The following MYLK2 variants were observed in gnomAD, a reference collection of about 807,000 sequenced individuals.
MYLK2 encodes myosin light chain kinase 2.
Under a neutral mutation model 58.2 loss-of-function variants are expected in MYLK2, and 27 were observed. The observed-to-expected ratio is 0.46, with a 90% confidence interval of 0.34 to 0.64. The LOEUF is 0.64. MYLK2 is among the 30% of genes least tolerant of loss of function. The pLI is 0.01. For missense variants in MYLK2, 676 were observed against 764.3 expected (o/e 0.88, Z 1.36); for synonymous variants, 310 against 296.7 (o/e 1.04, Z -0.46).
Position 31,826,613 on chromosome 20 carries a change from G to C in MYLK2, c.981G>C (p.Val327=), listed in dbSNP as rs989421183. 1.9e-6 allele frequency: 3 copies of C among 1,614,078 alleles called. No individual in the cohort carries two copies. The highest frequency in any genetic ancestry group is 3.3e-4 in the Middle Eastern group (2 of 6,060). Residue 327 remains valine, a synonymous_variant, in exon 7 of 13, where the codon GTG becomes GTC. Transcript: ENST00000375985. ...ACTTCCCTGGTCCCCAGGAAATGGT[G>C]TTGCTGGAGATTGAGGTCATGAACC... is the stretch of plus-strand genomic sequence containing the variant. ...KKQTPKDKEM[V]LLEIEVMNQL...
intron 6 of MYLK2, among the ~76,000 whole-genome samples, chr20:31,825,163 C>T (rs1344552397): frequency 6.6e-6 from 1 of 152,212 alleles, no homozygotes; most frequent in East Asian, 1.9e-4. Flanking sequence ...CCAGTGAAAG[C>T]GTGAGAAGCA....
chr20:31,824,521 G>A, intron 6 of MYLK2, 169 bp downstream of exon 6: 1 of 985,446 alleles, frequency 1.0e-6, no homozygotes, highest in Middle Eastern at 5.2e-4. Context: ...CCTGCAGCAG[G>A]GGCCTGAGGA....
At chr20:31,824,483 T>C in intron 6 of MYLK2, 131 bp downstream of exon 6, 1 of 1,525,016 alleles carries the variant, frequency 6.6e-7, no homozygotes, top group Non-Finnish European at 8.8e-7. Flanking sequence ...GTGAAAATAC[T>C]ACACAGATAG....
rs372981969 is a variant in MYLK2, at chr20:31,823,533, G to A, written c.829G>A (p.Gly277Arg). The change falls in exon 5 of 13, where the codon GGG becomes AGG. Residue 277 changes from glycine (G) to arginine (R), a missense_variant. Physicochemically the swap from Gly to Arg is moderately radical, Grantham distance 125. Around this residue, in one of 2 missense-constraint regions of MYLK2, gnomAD observed 370 missense variants for 467.8 expected, o/e 0.79. Transcript: ENST00000375985. The stretch of plus-strand genomic sequence containing the variant: ...TCACCGCATGGTGGAGCTGAGGACC[G>A]GGAATGTCAGCAGTGAATTCAGTAT... ...FPHRMVELRT[G>R]NVSSEFSMNS... The A allele has an allele frequency of 6.2e-6, 10 of 1,613,856 alleles. No homozygotes were observed. The highest frequency in any genetic ancestry group is 5.0e-5 in the Admixed American group (3 of 60,028).
chr20:31,821,088 T>C (rs909764494), intron 3 of MYLK2, among the ~76,000 whole-genome samples: 4 of 151,050 alleles, frequency 2.6e-5, no homozygotes, highest in African/African-American at 9.8e-5. Flanking sequence ...ATTAATGATA[T>C]ATTGTAAGCC....
Position 31,819,399 on chromosome 20 carries a change from C to T in MYLK2, c.-78C>T, listed in dbSNP as rs896209135. On this transcript the variant is annotated 5_prime_UTR_variant, in exon 1 of 13. It adds an upstream start codon to the 5' untranslated region. Transcript: ENST00000375985. ...TCCTGAGCAGCCGCTGGGAGACAGA[C>T]GGCAACCAGGTTGCCCCTCTTTGCT... 7.5e-5 allele frequency: 58 copies of T among 769,318 alleles called. 1 individual carries two copies. The highest frequency in any genetic ancestry group is 2.7e-4 in the Middle Eastern group (1 of 3,772). The allele number at this position is 769,318 out of a possible 1,614,324, so 47.7% of individuals were successfully genotyped here.
At position 31,819,521 on chromosome 20, in the gene MYLK2, T is replaced by C; in HGVS notation, c.-48-12T>C. 6.5e-7 allele frequency: 1 copy of C among 1,549,478 alleles called. No individual in the cohort carries two copies. The highest frequency in any genetic ancestry group is 1.2e-5 in the South Asian group (1 of 84,024). Reference sequence around the variant, plus strand: ...TTGGACAGCCTGACACACTCCACTCTTGTTTCTGCAGCTAGAAAGACTTGA... The same window carrying C: ...TTGGACAGCCTGACACACTCCACTCCTGTTTCTGCAGCTAGAAAGACTTGA... On this transcript the variant is annotated splice_polypyrimidine_tract_variant and intron_variant, in intron 1 of 12. Transcript: ENST00000375985.
At position 31,820,169 on chromosome 20, in the gene MYLK2, A is replaced by C. The variant is rs763689763; in HGVS notation, c.96A>C (p.Ala32=). The change falls in exon 3 of 13, where the codon GCA becomes GCC. Residue 32 remains alanine, a synonymous_variant. Transcript: ENST00000375985. ...CCACAGGTGAAAGACCCCTGGCTGC[A>C]GGGAAAGACCCTGGCCCCCCAGACC... is the stretch of plus-strand genomic sequence containing the variant. ...KGPTGERPLA[A]GKDPGPPDPK... 61 of 1,613,892 alleles carry C rather than the reference A, an allele frequency of 3.8e-5. No homozygotes were observed. The highest frequency in any genetic ancestry group is 5.1e-5 in the Non-Finnish European group (60 of 1,180,018).
Position 31,832,091 on chromosome 20 carries a change from G to A in MYLK2, c.1665G>A (p.Lys555=). Residue 555 remains lysine, a synonymous_variant, in exon 12 of 13, where the codon AAG becomes AAA. Coordinates refer to ENST00000375985, the MANE Select transcript of MYLK2 (RefSeq NM_033118.4). Reference sequence around the variant, plus strand: ...CCAAACGCTGTAACCGACGCCTTAAGTCCCAGATCTTGCTTAAGAAATACC... The same window carrying A: ...CCAAACGCTGTAACCGACGCCTTAAATCCCAGATCTTGCTTAAGAAATACC... ...EKAKRCNRRL[K]SQILLKKYLM... is the part of the protein sequence containing the mutation. 1 of 1,609,870 alleles carries A rather than the reference G, an allele frequency of 6.2e-7. No homozygotes were observed.
chr20:31,826,462 G>A (rs913844369), intron 6 of MYLK2, 143 bp from the exon 7 acceptor site: 1 of 1,102,806 alleles, frequency 9.1e-7, no homozygotes, highest in South Asian at 1.4e-5. Flanking sequence ...AGATGTGGGG[G>A]TGGGGGAGAG....
intron 5 of MYLK2, 145 bp from the exon 6 acceptor site, chr20:31,824,114 G>A: frequency 6.6e-7 from 1 of 1,515,662 alleles, no homozygotes; most frequent in East Asian, 2.5e-5. Flanking sequence ...GGGAGTCAGG[G>A]CTGGCTGGGG....
intron 8 of MYLK2, chr20:31,827,580 G>A (rs1005466713): frequency 1.7e-5 from 17 of 974,292 alleles, no homozygotes; most frequent in South Asian, 4.8e-5. Context: ...GTGCAGTGGC[G>A]CTATCTTGGC....
At position 31,834,084 on chromosome 20, in the gene MYLK2, C is replaced by T. The variant is rs886056581; in HGVS notation, c.*287C>T. 1.2e-4 allele frequency: 59 copies of T among 484,568 alleles called. No homozygotes were observed. The highest frequency in any genetic ancestry group is 5.8e-4 in the Middle Eastern group (1 of 1,722). The allele number at this position is 484,568 out of a possible 1,614,324, so 30.0% of individuals were successfully genotyped here. A position where few individuals can be genotyped will look rare whatever the true frequency, so the allele number is the denominator to read the frequency against. On this transcript the variant is annotated 3_prime_UTR_variant, in exon 13 of 13. Transcript: ENST00000375985. The stretch of plus-strand genomic sequence containing the variant: ...TCCAGGCCCCCGTTGAAGCCGCTCC[C>T]GGTTCCCTCCCCAGCTCCTCGTCTT...
intron 12 of MYLK2, 117 bp from the exon 13 acceptor site, chr20:31,833,600 C>T: frequency 1.1e-6 from 1 of 937,284 alleles, no homozygotes; most frequent in Non-Finnish European, 1.7e-6. Context: ...TTGGGCACTG[C>T]ACCTTCTCTA....
chr20:31,821,290 A>T, intron 3 of MYLK2, 149 bp from the exon 4 acceptor site: 1 of 784,352 alleles, frequency 1.3e-6, no homozygotes, highest in Non-Finnish European at 2.1e-6. Context: ...AGCCATGAAC[A>T]TCCCTTAATT....
At chr20:31,825,260 G>A (rs1169752671) in intron 6 of MYLK2, among the ~76,000 whole-genome samples, 4 of 152,118 alleles carry the variant, frequency 2.6e-5, no homozygotes, top group African/African-American at 9.7e-5. Context: ...GTCCTTTTTC[G>A]TCTCTTCCAC....
intron 8 of MYLK2, among the ~76,000 whole-genome samples, chr20:31,830,194 C>G (rs954789581): frequency 4.6e-5 from 7 of 152,196 alleles, no homozygotes; most frequent in Non-Finnish European, 1.0e-4. Context: ...ATCTCAATGT[C>G]ACAGTTTCAT....
In MYLK2 at chr20:31,820,407, A is replaced by G. The variant is rs2062246590; in HGVS notation, c.334A>G (p.Lys112Glu). The G allele has an allele frequency of 3.1e-6, 5 of 1,612,802 alleles. No individual in the cohort carries two copies. Among genetic ancestry groups the G allele is most frequent in the Non-Finnish European group, 1.7e-6 (2 of 1,179,926 alleles). ...ACCTGAGACCAGCGTCAAGAAGCCC[A>G]AGGCTGAGCAGGGAGCCTCAGGCAG... Reference protein sequence around the residue: ...ATPETSVKKPKAEQGASGSQD... With the variant: ...ATPETSVKKPEAEQGASGSQD... Residue 112 changes from lysine (K) to glutamate (E), a missense_variant, in exon 3 of 13, where the codon AAG becomes GAG. Around this residue, in one of 2 missense-constraint regions of MYLK2, gnomAD observed 306 missense variants for 296.5 expected, o/e 1.03. Coordinates refer to ENST00000375985, the MANE Select transcript of MYLK2 (RefSeq NM_033118.4).
Position 31,823,523 on chromosome 20 carries a change from G to C in MYLK2, c.819G>C (p.Glu273Asp). ...PPAPFPHRMV[E>D]LRTGNVSSEF... Reference sequence around the variant, plus strand: ...CCCCCTTCCCTCACCGCATGGTGGAGCTGAGGACCGGGAATGTCAGCAGTG... The same window carrying C: ...CCCCCTTCCCTCACCGCATGGTGGACCTGAGGACCGGGAATGTCAGCAGTG... The change falls in exon 5 of 13, where the codon GAG (glutamate) becomes GAC (aspartate). Residue 273 changes from glutamate to aspartate, a missense_variant. By Grantham distance (45) the Glu-to-Asp change is conservative (BLOSUM62 2). Around this residue, in one of 2 missense-constraint regions of MYLK2, gnomAD observed 370 missense variants for 467.8 expected, o/e 0.79. Coordinates refer to ENST00000375985, the MANE Select transcript of MYLK2 (RefSeq NM_033118.4). 6.2e-7 allele frequency: 1 copy of C among 1,613,840 alleles called. No homozygotes were observed. Among genetic ancestry groups the C allele is most frequent in the South Asian group, 1.1e-5 (1 of 91,086 alleles).
Sources: allele counts gnomAD v4.1 joint callset (sites outside exome capture counted in the v4.1 genomes callset), GRCh38; gene constraint gnomAD v4.1.1; regional missense constraint gnomAD v4.1.1; transcripts MANE v1.5; gene names NCBI Gene and HGNC (gene_info 2026-07-23, HGNC 2026-07-21).